Variants in AKR1C2 observed in about 807,000 individuals in gnomAD.
AKR1C2 encodes 3-alpha-HSD3.
In AKR1C2, 27 loss-of-function variants were observed where a neutral mutation model predicts 39.8. That is an observed-to-expected ratio of 0.68 (90% CI 0.50 to 0.93). The LOEUF (loss-of-function observed/expected upper bound fraction) is 0.93. AKR1C2 is among the 40% of genes least tolerant of loss of function. The pLI is 0.00. For synonymous variants in AKR1C2, 114 were observed against 137.9 expected, an observed-to-expected ratio of 0.83 and a Z score of 1.22; for missense variants, 263 against 365.1, an observed-to-expected ratio of 0.72 and a Z score of 2.28.
Position 4,988,312 on chromosome 10 carries a change from A to G in AKR1C2, c.*1684T>C, listed in dbSNP as rs1836727141. 6.6e-6 allele frequency: 1 copy of G among 152,202 alleles called. No individual in the cohort carries two copies. The highest frequency in any genetic ancestry group is 1.5e-5 in the Non-Finnish European group (1 of 68,034). The allele number at this position is 152,202 out of a possible 1,614,324, so 9.4% of individuals were successfully genotyped here. On this transcript the variant is annotated 3_prime_UTR_variant, in exon 9 of 9. Coordinates refer to ENST00000380753, the MANE Select transcript of AKR1C2 (RefSeq NM_001393392.1). Reference sequence around the variant, plus strand: ...GAACAGGATGGCCATGGTTTACATGAGATTTCTTTGAGACATGCTAAGTGT... The same window carrying G: ...GAACAGGATGGCCATGGTTTACATGGGATTTCTTTGAGACATGCTAAGTGT...
At chr10:5,007,665 C>T (rs1837433865), upstream of AKR1C2, among the ~76,000 whole-genome samples, 1 of 150,928 alleles carries the variant, frequency 6.6e-6, no homozygotes, top group Non-Finnish European at 1.5e-5. Flanking sequence ...ATACAAAATC[C>T]AATCAGTTTA....
In AKR1C2 at chr10:4,995,759, G is replaced by C; in HGVS notation, c.677C>G (p.Pro226Arg). The C allele has an allele frequency of 6.2e-7, 1 of 1,611,014 alleles. No homozygotes were observed. The highest frequency in any genetic ancestry group is 8.5e-7 in the Non-Finnish European group (1 of 1,179,202). ...AACTTCCTGTATCTCTTATTACCATGGTTCTTCTCGATGGGATCCCAGAGC... is the reference window on the plus strand; with the variant it reads ...AACTTCCTGTATCTCTTATTACCATCGTTCTTCTCGATGGGATCCCAGAGC... ...YSALGSHREEPWVDPNSPVLL... is the reference protein window; with the variant it reads ...YSALGSHREERWVDPNSPVLL... The change falls in exon 6 of 9, where the codon CCA becomes CGA. Residue 226 changes from proline to arginine, a missense_variant. By Grantham distance (103) the Pro-to-Arg change is moderately radical. Around this residue, in one of 3 missense-constraint regions of AKR1C2, gnomAD observed 247 missense variants for 267.9 expected, o/e 0.92. Coordinates refer to ENST00000380753, the MANE Select transcript of AKR1C2 (RefSeq NM_001393392.1).
At chr10:4,997,602 G>C (rs1554773239) in intron 5 of AKR1C2, among the ~76,000 whole-genome samples, 1 of 151,862 alleles carries the variant, frequency 6.6e-6, no homozygotes, top group Admixed American at 6.6e-5. Context: ...ATGGTAACAT[G>C]GGTCTCCAGT....
intron 1 of AKR1C2, among the ~76,000 whole-genome samples, chr10:5,013,028 T>C (rs112146674): frequency 0.015 from 2,308 of 152,286 alleles, 61 homozygotes; most frequent in African/African-American, 0.053. Context: ...ATTCAGGCTG[T>C]TGCCTCTACC....
At chr10:5,009,305 C>T (rs1438234195) in intron 1 of AKR1C2, among the ~76,000 whole-genome samples, 10 of 152,068 alleles carry the variant, frequency 6.6e-5, no homozygotes, top group Admixed American at 2.0e-4. Flanking sequence ...ACAATTGCAC[C>T]GAGCACTTTT....
chr10:4,991,122 T>C (rs1227708006), intron 8 of AKR1C2, among the ~76,000 whole-genome samples: 2 of 151,256 alleles, frequency 1.3e-5, no homozygotes, highest in Non-Finnish European at 2.9e-5. Context: ...TTACTGGTTA[T>C]AAATTATCTC....
intron 1 of AKR1C2, among the ~76,000 whole-genome samples, chr10:5,014,663 G>T (rs1323847576): frequency 7.9e-5 from 12 of 152,286 alleles, no homozygotes; most frequent in East Asian, 3.9e-4. Flanking sequence ...CTATTGGTTG[G>T]GTGCCTGGCT....
At chr10:5,005,610 G>T (rs782372850), upstream of AKR1C2, among the ~76,000 whole-genome samples, 4 of 152,152 alleles carry the variant, frequency 2.6e-5, no homozygotes, top group Non-Finnish European at 5.9e-5. Context: ...TTGAACCCAG[G>T]AGGCAGAGGT....
At chr10:5,017,469 G>T (rs1396076894) in intron 1 of AKR1C2, among the ~76,000 whole-genome samples, 1 of 152,128 alleles carries the variant, frequency 6.6e-6, no homozygotes, top group Non-Finnish European at 1.5e-5. Context: ...GTAGGAACAC[G>T]ATGATGCCAA....
chr10:5,005,181 G>A (rs1837373554), upstream of AKR1C2, among the ~76,000 whole-genome samples: 1 of 152,094 alleles, frequency 6.6e-6, no homozygotes. Context: ...AAAAGCCATT[G>A]GTTATTTGGG....
intron 3 of AKR1C2, chr10:5,000,150 G>C (rs1461576229): frequency 1.1e-5 from 14 of 1,313,222 alleles, no homozygotes; most frequent in Non-Finnish European, 1.4e-5. Context: ...TTGAAAAGAG[G>C]CAAGAAGATG....
At chr10:5,001,821 G>A in intron 1 of AKR1C2, 140 bp from the exon 2 acceptor site, 1 of 1,103,806 alleles carries the variant, frequency 9.1e-7, no homozygotes, top group African/African-American at 1.6e-5. Context: ...GCCCATCCCA[G>A]TCTGACTGGG....
At chr10:4,994,088 T>G (rs1836936495) in intron 7 of AKR1C2, among the ~76,000 whole-genome samples, 1 of 151,652 alleles carries the variant, frequency 6.6e-6, no homozygotes, top group African/African-American at 2.4e-5. Context: ...TAGTAAATAG[T>G]GACGTATATA....
At chr10:5,004,985 C>T (rs1334328849), upstream of AKR1C2, 1 of 147,490 alleles carries the variant, frequency 6.8e-6, no homozygotes, top group African/African-American at 2.5e-5. Flanking sequence ...CTCATGGAAA[C>T]ATCAGAAAAT....
chr10:4,996,556 A>C (rs1837053895), intron 5 of AKR1C2, among the ~76,000 whole-genome samples: 1 of 147,152 alleles, frequency 6.8e-6, no homozygotes, highest in Admixed American at 6.8e-5. Context: ...TAATATATAT[A>C]TATATGCTGA....
At chr10:4,993,145 G>T (rs1462922691) in intron 7 of AKR1C2, among the ~76,000 whole-genome samples, 2 of 152,264 alleles carry the variant, frequency 1.3e-5, no homozygotes, top group South Asian at 2.1e-4. Context: ...ACATTTACTT[G>T]CCTGTGGAAG....
At chr10:4,997,573 T>G (rs1837102328) in intron 5 of AKR1C2, among the ~76,000 whole-genome samples, 1 of 152,054 alleles carries the variant, frequency 6.6e-6, no homozygotes, top group African/African-American at 2.4e-5. Flanking sequence ...TTGCAAAATG[T>G]TAGTAATTTT....
chr10:5,000,429 C>A (rs555021737), intron 3 of AKR1C2, 121 bp downstream of exon 3: 1 of 1,590,778 alleles, frequency 6.3e-7, no homozygotes, highest in African/African-American at 1.3e-5. Flanking sequence ...ATGTTTAGGG[C>A]TCTTCTTCCA....
chr10:5,001,595 A>G lies in AKR1C2; in HGVS notation c.171T>C (p.Asn57=), dbSNP rs749895043. ...GGATGGCCAGTCCAACCTGCTCCTC[A>G]TTATTGTAAACATGTGCAGAATCAA... ...HHIDSAHVYN[N]EEQVGLAIRS... is the part of the protein sequence containing the mutation. Residue 57 remains asparagine (N), a synonymous_variant, in exon 2 of 9, where the codon AAT becomes AAC. Transcript: ENST00000380753. 4 of 1,614,012 alleles carry G rather than the reference A, an allele frequency of 2.5e-6. No homozygotes were observed. The highest frequency in any genetic ancestry group is 3.4e-6 in the Non-Finnish European group (4 of 1,179,902).
Sources: allele counts gnomAD v4.1 joint callset (sites outside exome capture counted in the v4.1 genomes callset), GRCh38; gene constraint gnomAD v4.1.1; regional missense constraint gnomAD v4.1.1; transcripts MANE v1.5; gene names NCBI Gene and HGNC (gene_info 2026-07-23, HGNC 2026-07-21).